The following PPME1 variants were observed in gnomAD, a reference collection of about 807,000 sequenced individuals.
The protein encoded by PPME1 is testicular secretory protein Li 39.
Under a neutral mutation model 56.9 loss-of-function variants are expected in PPME1, and 17 were observed. The ratio of observed to expected loss-of-function variants is 0.30; its 90% confidence interval spans 0.20 to 0.45. The LOEUF (loss-of-function observed/expected upper bound fraction) is 0.45, where lower values mean the gene tolerates loss of function less well. PPME1 is among the 20% of genes least tolerant of loss of function. PPME1 has a pLI of 1.00. For synonymous variants in PPME1, 122 were observed against 156.2 expected, an observed-to-expected ratio of 0.78 and a Z score of 1.63; for missense variants, 357 against 483.2, an observed-to-expected ratio of 0.74 and a Z score of 2.45.
At chr11:74,208,456 T>TA (rs1347533279) in intron 3 of PPME1, among the ~76,000 whole-genome samples, 2 of 152,316 alleles carry the variant, frequency 1.3e-5, no homozygotes, top group Middle Eastern at 3.4e-3. Flanking sequence ...TTCCTGTTCT[T>TA]ACGATGTTTA....
intron 3 of PPME1, among the ~76,000 whole-genome samples, chr11:74,212,883 C>T (rs1297968779): frequency 6.6e-6 from 1 of 152,168 alleles, no homozygotes; most frequent in Non-Finnish European, 1.5e-5. Flanking sequence ...AGGTAAGACT[C>T]AGAGATGTGC....
chr11:74,232,860 ATTTTTTTTTTTT>A (rs35057762), intron 7 of PPME1, among the ~76,000 whole-genome samples: 2 of 93,862 alleles, frequency 2.1e-5, no homozygotes, highest in African/African-American at 9.2e-5. Context: ...TTGTTATTTG[ATTTTTTTTTTTT>A]TTTTTTTTTT....
At chr11:74,179,794 A>C (rs1225402507) in intron 1 of PPME1, among the ~76,000 whole-genome samples, 1 of 152,218 alleles carries the variant, frequency 6.6e-6, no homozygotes, top group Non-Finnish European at 1.5e-5. Context: ...ACCCTCAGCC[A>C]GCCATCTGGT....
chr11:74,217,750 A>C (rs1296814634), intron 3 of PPME1, among the ~76,000 whole-genome samples: 1 of 152,002 alleles, frequency 6.6e-6, no homozygotes, highest in Non-Finnish European at 1.5e-5. Context: ...TAAAAAAAAA[A>C]AACTTAAACT....
intron 1 of PPME1, among the ~76,000 whole-genome samples, chr11:74,189,084 C>T (rs189056931): frequency 2.0e-3 from 311 of 152,128 alleles, no homozygotes; most frequent in African/African-American, 6.8e-3. Flanking sequence ...AGTTATATTT[C>T]CCCCTTACAT....
At chr11:74,246,460 G>A (rs905681291) in intron 10 of PPME1, among the ~76,000 whole-genome samples, 6 of 152,074 alleles carry the variant, frequency 3.9e-5, no homozygotes, top group Admixed American at 3.3e-4. Context: ...AATTAGGGAC[G>A]TTCATCCTAT....
chr11:74,213,357 A>G lies in PPME1; in HGVS notation c.288+8912A>G, dbSNP rs116099757. 7.2e-4 allele frequency among the ~76,000 whole-genome samples: 109 copies of G among 152,326 alleles called. 1 individual carries two copies. Among genetic ancestry groups the G allele is most frequent in the African/African-American group, 2.4e-3 (100 of 41,568 alleles). Reference sequence around the variant, plus strand: ...TAGATTCCTAAGGTTTCCAATTCCAAGCCCTGGCTCCTGGATGGCATCTCT... The same window carrying G: ...TAGATTCCTAAGGTTTCCAATTCCAGGCCCTGGCTCCTGGATGGCATCTCT... On this transcript the variant is annotated intron_variant, in intron 3 of 13. Coordinates refer to ENST00000328257, the MANE Select transcript of PPME1 (RefSeq NM_016147.3).
At chr11:74,195,922 A>T (rs1176217726) in intron 1 of PPME1, among the ~76,000 whole-genome samples, 1 of 152,230 alleles carries the variant, frequency 6.6e-6, no homozygotes, top group African/African-American at 2.4e-5. Context: ...AAAACTAAGC[A>T]AACAAAATTA....
intron 1 of PPME1, among the ~76,000 whole-genome samples, chr11:74,190,872 AGTC>A (rs1297364213): frequency 6.6e-6 from 1 of 152,246 alleles, no homozygotes; most frequent in Non-Finnish European, 1.5e-5. Context: ...CTGGAGTAAA[AGTC>A]ATCATGTTAT....
At chr11:74,208,819 A>G (rs1858396812) in intron 3 of PPME1, among the ~76,000 whole-genome samples, 1 of 152,244 alleles carries the variant, frequency 6.6e-6, no homozygotes, top group Non-Finnish European at 1.5e-5. Context: ...TTTTAAGACC[A>G]AATAGAAGTT....
At position 74,254,060 on chromosome 11, in the gene PPME1, G is replaced by C. The variant is rs1859773183; in HGVS notation, c.*550G>C. 1 of 154,108 alleles carries C rather than the reference G, an allele frequency of 6.5e-6. No homozygotes were observed. The highest frequency in any genetic ancestry group is 2.4e-5 in the African/African-American group (1 of 41,478). The allele number at this position is 154,108 out of a possible 1,614,324, so 9.5% of individuals were successfully genotyped here. ...GGCCAAGATCCCATCCTTAGCCATA[G>C]CGAGCGGTGGTGGTGGATAGCATCA... On this transcript the variant is annotated 3_prime_UTR_variant, in exon 14 of 14. Coordinates refer to ENST00000328257, the MANE Select transcript of PPME1 (RefSeq NM_016147.3).
chr11:74,219,162 T>C (rs942991177), intron 3 of PPME1, among the ~76,000 whole-genome samples: 2 of 151,820 alleles, frequency 1.3e-5, no homozygotes, highest in South Asian at 2.1e-4. Flanking sequence ...ACCAGAGAAA[T>C]GGAAATGAAA....
chr11:74,185,808 G>T (rs1857665805), intron 1 of PPME1, among the ~76,000 whole-genome samples: 1 of 152,122 alleles, frequency 6.6e-6, no homozygotes, highest in South Asian at 2.1e-4. Context: ...GATTACACCT[G>T]TTCTCCCTGT....
intron 12 of PPME1, 180 bp downstream of exon 12, chr11:74,251,198 G>C: frequency 6.9e-7 from 1 of 1,444,056 alleles, no homozygotes; most frequent in Non-Finnish European, 9.1e-7. Flanking sequence ...TATTGGTTTT[G>C]TGTATATGTG....
At chr11:74,245,544 G>A (rs1859481199) in intron 9 of PPME1, among the ~76,000 whole-genome samples, 1 of 151,932 alleles carries the variant, frequency 6.6e-6, no homozygotes, top group Non-Finnish European at 1.5e-5. Context: ...ACTATTGCAG[G>A]AACATTATAT....
intron 3 of PPME1, among the ~76,000 whole-genome samples, chr11:74,206,221 A>G (rs1858323178): frequency 6.6e-6 from 1 of 152,064 alleles, no homozygotes; most frequent in Non-Finnish European, 1.5e-5. Flanking sequence ...GTATGTATTT[A>G]TTTTTTAAGA....
intron 9 of PPME1, among the ~76,000 whole-genome samples, chr11:74,244,502 T>C (rs1233412466): frequency 6.6e-6 from 1 of 152,214 alleles, no homozygotes; most frequent in Non-Finnish European, 1.5e-5. Context: ...GCTGTGCATT[T>C]ATTTATTGAT....
intron 1 of PPME1, among the ~76,000 whole-genome samples, chr11:74,172,656 A>G (rs1013615564): frequency 1.3e-5 from 2 of 152,220 alleles, no homozygotes; most frequent in African/African-American, 4.8e-5. Flanking sequence ...GGGAGAAGTA[A>G]TTGCTGGAAA....
chr11:74,181,530 A>G (rs1857537602), intron 1 of PPME1, among the ~76,000 whole-genome samples: 1 of 152,204 alleles, frequency 6.6e-6, no homozygotes, highest in African/African-American at 2.4e-5. Context: ...AGATAATTTT[A>G]TGCAGATTTT....
Sources: gnomAD v4.1 joint callset for allele counts (sites outside exome capture counted in the v4.1 genomes callset) on GRCh38, gnomAD v4.1.1 for gene constraint, MANE v1.5 for transcripts, NCBI Gene and HGNC (gene_info 2026-07-23, HGNC 2026-07-21) for gene names.